Variants in RHEX observed in about 807,000 individuals in gnomAD.
The protein encoded by RHEX is regulator of hemoglobinization and erythroid cell expansion protein.
In RHEX, 18 loss-of-function variants were observed where a neutral mutation model predicts 20.1. The observed-to-expected ratio is 0.90, with a 90% CI of 0.62 to 1.33. The LOEUF (loss-of-function observed/expected upper bound fraction) is 1.33. Among genes scored for constraint, RHEX ranks in the 40% most tolerant of loss-of-function variants. The pLI is 0.00. For missense variants in RHEX, 192 were observed against 214.3 expected, an observed-to-expected ratio of 0.90 and a Z score of 0.65; for synonymous variants, 87 against 77.1, an observed-to-expected ratio of 1.13 and a Z score of -0.67.
rs904766828 is a variant in RHEX, at chr1:206,101,781, C to T, written c.348C>T (p.Val116=). The change falls in exon 6 of 6, where the codon GTC becomes GTT. Residue 116 remains valine, a synonymous_variant. Coordinates refer to ENST00000331555, the MANE Select transcript of RHEX (RefSeq NM_001007544.4). ...CAGAGGATGTGGATTACACACAAGT[C>T]GTCTTTTCTGACCCTGGAGAACTAA... ...QATEDVDYTQ[V]VFSDPGELKN... 20 of 1,613,584 alleles carry T rather than the reference C, an allele frequency of 1.2e-5. No homozygotes were observed. The highest frequency in any genetic ancestry group is 6.7e-5 in the African/African-American group (5 of 74,914).
rs1287416894 is a variant in RHEX, at chr1:206,097,769, G to A, written c.-60G>A. 6.8e-6 allele frequency: 11 copies of A among 1,613,912 alleles called. No homozygotes were observed. Among genetic ancestry groups the A allele is most frequent in the African/African-American group, 4.0e-5 (3 of 74,910 alleles). ...CCTGCCGGTGGCACTACTGAGAGAC[G>A]AGGTGCCAGGGTGGTTCCTGAAAGT... On this transcript the variant is annotated 5_prime_UTR_variant, in exon 2 of 6. Coordinates refer to ENST00000331555, the MANE Select transcript of RHEX (RefSeq NM_001007544.4).
chr1:206,086,136 C>T (rs1571867417), intron 1 of RHEX, among the ~76,000 whole-genome samples: 1 of 152,162 alleles, frequency 6.6e-6, no homozygotes, highest in East Asian at 1.9e-4. Flanking sequence ...TAGGAACAGG[C>T]ATTGTTTAGG....
intron 2 of RHEX, 43 bp downstream of exon 2, chr1:206,097,882 C>G: frequency 7.1e-7 from 1 of 1,413,750 alleles, no homozygotes; most frequent in Non-Finnish European, 1.0e-6. Context: ...TCCCACCAAG[C>G]TAACTGGTGT....
At chr1:206,087,792 TAAC>T (rs757888060) in intron 1 of RHEX, among the ~76,000 whole-genome samples, 6 of 152,242 alleles carry the variant, frequency 3.9e-5, no homozygotes, top group Non-Finnish European at 7.3e-5. Context: ...CTATAGTTAA[TAAC>T]AACGTATTGT....
chr1:206,071,448 C>T (rs529745759), intron 1 of RHEX, among the ~76,000 whole-genome samples: 4 of 151,066 alleles, frequency 2.6e-5, no homozygotes, highest in East Asian at 1.9e-4. Flanking sequence ...CAATACTTTG[C>T]GTCCTTCAAT....
chr1:206,074,491 A>C (rs1295709891), intron 1 of RHEX, among the ~76,000 whole-genome samples: 1 of 152,190 alleles, frequency 6.6e-6, no homozygotes, highest in African/African-American at 2.4e-5. Context: ...TAGCCTTATG[A>C]GATAGAATTC....
At chr1:206,057,862 C>G (rs1429008981) in intron 1 of RHEX, among the ~76,000 whole-genome samples, 1 of 152,272 alleles carries the variant, frequency 6.6e-6, no homozygotes, top group Admixed American at 6.5e-5. Flanking sequence ...CATCTACATG[C>G]TCAACCGAAT....
At chr1:206,074,543 G>A (rs1199223113) in intron 1 of RHEX, among the ~76,000 whole-genome samples, 1 of 152,132 alleles carries the variant, frequency 6.6e-6, no homozygotes, top group Non-Finnish European at 1.5e-5. Flanking sequence ...ACAGTTCCGT[G>A]GTTTTTAGTA....
chr1:206,056,164 A>C (rs1299803732), intron 1 of RHEX, among the ~76,000 whole-genome samples: 1 of 152,172 alleles, frequency 6.6e-6, no homozygotes, highest in Non-Finnish European at 1.5e-5. Context: ...AACTGTGTAG[A>C]GGTATTGGAC....
chr1:206,085,256 A>G (rs1553286324), intron 1 of RHEX, among the ~76,000 whole-genome samples: 1 of 152,174 alleles, frequency 6.6e-6, no homozygotes, highest in African/African-American at 2.4e-5. Flanking sequence ...TGCTTTTTCC[A>G]TCCCTATCCC....
At chr1:206,085,470 A>T (rs1662821077) in intron 1 of RHEX, among the ~76,000 whole-genome samples, 1 of 152,228 alleles carries the variant, frequency 6.6e-6, no homozygotes, top group South Asian at 2.1e-4. Flanking sequence ...AAATGAATCC[A>T]TGAATACTGC....
chr1:206,056,777 T>C (rs940683515), intron 1 of RHEX, among the ~76,000 whole-genome samples: 1 of 151,362 alleles, frequency 6.6e-6, no homozygotes, highest in African/African-American at 2.5e-5. Flanking sequence ...TGGATGAGGA[T>C]GTGGTTCTCT....
rs1392467285 is a variant in RHEX at position 206,067,531 on chromosome 1, G to A, written c.-97+14266G>A. On this transcript the variant is annotated intron_variant, in intron 1 of 5. Coordinates refer to ENST00000331555, the MANE Select transcript of RHEX (RefSeq NM_001007544.4). This position sits in a 1 kb window ranked among gnomAD's most constrained non-coding sequence, Gnocchi z 4.6. Reference sequence around the variant, plus strand: ...GAAGAAATTTTCATTTAAAACCAAAGCTGATGATGTGGATTCCTAATAAGA... The same window carrying A: ...GAAGAAATTTTCATTTAAAACCAAAACTGATGATGTGGATTCCTAATAAGA... Among the ~76,000 whole-genome samples the A allele has an allele frequency of 6.6e-6, 1 of 152,212 alleles. No individual in the cohort carries two copies. The highest frequency in any genetic ancestry group is 2.4e-5 in the African/African-American group (1 of 41,450).
Position 206,067,689 on chromosome 1 carries a change from C to T in RHEX, c.-97+14424C>T, listed in dbSNP as rs1662455076. ...CACTCCACACATAGCCCCAACAGCA[C>T]AACCTCATTCTGCACATACCCCCTC... On this transcript the variant is annotated intron_variant, in intron 1 of 5. Coordinates refer to ENST00000331555, the MANE Select transcript of RHEX (RefSeq NM_001007544.4). This position sits in a 1 kb window ranked among gnomAD's most constrained non-coding sequence, Gnocchi z 4.6. Among the ~76,000 whole-genome samples, 1 of 152,170 alleles carries T rather than the reference C, an allele frequency of 6.6e-6. No individual in the cohort carries two copies. The highest frequency in any genetic ancestry group is 6.5e-5 in the Admixed American group (1 of 15,286).
chr1:206,059,393 G>A (rs1242424634), intron 1 of RHEX, among the ~76,000 whole-genome samples: 17 of 152,166 alleles, frequency 1.1e-4, no homozygotes, highest in Non-Finnish European at 2.4e-4. Context: ...CCTAAAGGCT[G>A]TAAAACTTGG....
intron 1 of RHEX, among the ~76,000 whole-genome samples, chr1:206,081,053 C>T (rs1431906999): frequency 6.7e-6 from 1 of 149,560 alleles, no homozygotes; most frequent in African/African-American, 2.4e-5. Flanking sequence ...GTTGCCCAGG[C>T]TGGTCTCAAA....
intron 1 of RHEX, among the ~76,000 whole-genome samples, chr1:206,070,895 T>C (rs1313036527): frequency 6.6e-6 from 1 of 152,180 alleles, no homozygotes; most frequent in Non-Finnish European, 1.5e-5. Flanking sequence ...CCAGGCTTTC[T>C]CACCTGTAAA....
chr1:206,072,533 G>A (rs912287739), intron 1 of RHEX, among the ~76,000 whole-genome samples: 4 of 152,066 alleles, frequency 2.6e-5, no homozygotes, highest in African/African-American at 9.7e-5. Flanking sequence ...CCGAGATCGT[G>A]CCACTGCACT....
At chr1:206,065,859 G>A (rs1357087940) in intron 1 of RHEX, among the ~76,000 whole-genome samples, 1 of 152,194 alleles carries the variant, frequency 6.6e-6, no homozygotes. Flanking sequence ...GCACAGAAGG[G>A]GCGCAGAAGG....
Sources: gnomAD v4.1 joint callset for allele counts (sites outside exome capture counted in the v4.1 genomes callset) on GRCh38, gnomAD v4.1.1 for gene constraint, Gnocchi (gnomAD v3.1) non-coding constraint, MANE v1.5 for transcripts, NCBI Gene and HGNC (gene_info 2026-07-23, HGNC 2026-07-21) for gene names.